GSE1: variants seen among roughly 807,000 people sequenced by gnomAD.
The protein encoded by GSE1 is Gse1 coiled-coil protein.
GSE1 carries 32 observed loss-of-function variants against 112.6 expected under a neutral mutation model. That is an observed-to-expected ratio of 0.28 (90% CI 0.21 to 0.38). The LOEUF is 0.38. Ranked by LOEUF, GSE1 falls within the 10% of genes least tolerant of loss-of-function variation. GSE1 has a pLI of 1.00. For missense variants in GSE1, 2,348 were observed against 1,699.2 expected (o/e 1.38, Z -6.71); for synonymous variants, 1,115 against 735.6 (o/e 1.52, Z -8.35).
intron 1 of GSE1, among the ~76,000 whole-genome samples, chr16:85,336,179 A>G (rs947109610): frequency 3.3e-5 from 5 of 152,226 alleles, no homozygotes; most frequent in African/African-American, 1.2e-4. Context: ...ACTGGGCAGC[A>G]TCAAGCCTTG....
chr16:85,336,451 C>T (rs1470120320), intron 1 of GSE1, among the ~76,000 whole-genome samples: 1 of 152,200 alleles, frequency 6.6e-6, no homozygotes, highest in Non-Finnish European at 1.5e-5. Context: ...GGGGCAGAAT[C>T]AGAGGTGCAG....
At chr16:85,636,015 CG>C (rs2049966395) in intron 2 of GSE1, among the ~76,000 whole-genome samples, 4 of 152,252 alleles carry the variant, frequency 2.6e-5, no homozygotes, top group Non-Finnish European at 2.9e-5. Flanking sequence ...GCTCGGCCAG[CG>C]GGTGGCCTGA....
intron 1 of GSE1, among the ~76,000 whole-genome samples, chr16:85,615,968 G>A (rs1056161950): frequency 1.3e-5 from 2 of 152,226 alleles, no homozygotes; most frequent in African/African-American, 4.8e-5. Context: ...CTCCTCCGAT[G>A]GCCCCGATGA....
chr16:85,363,955 T>A (rs1042845672), intron 2 of GSE1, among the ~76,000 whole-genome samples: 1 of 152,186 alleles, frequency 6.6e-6, no homozygotes, highest in Non-Finnish European at 1.5e-5. Flanking sequence ...TAAGAAGAGG[T>A]CTGTGTTTGT....
At chr16:85,660,447 G>A (rs1016600404) in intron 8 of GSE1, among the ~76,000 whole-genome samples, 1 of 152,074 alleles carries the variant, frequency 6.6e-6, no homozygotes, top group Admixed American at 6.5e-5. Flanking sequence ...GAGCAGTCTG[G>A]CCAACTTGGT....
At chr16:85,657,195 G>A in intron 7 of GSE1, 82 bp from the exon 8 acceptor site, 2 of 967,486 alleles carry the variant, frequency 2.1e-6, no homozygotes, top group South Asian at 1.7e-5. Context: ...GGTTTCTCTG[G>A]GCAGTTGGGT....
intron 1 of GSE1, among the ~76,000 whole-genome samples, chr16:85,236,019 G>GCTGAGGCTGGGC (rs1340613269): frequency 6.6e-6 from 1 of 150,886 alleles, no homozygotes; most frequent in African/African-American, 2.4e-5. Context: ...TGGGCCTGGG[G>GCTGAGGCTGGGC]CTGCGGCTGG....
At chr16:85,378,525 C>G (rs142512168) in intron 2 of GSE1, among the ~76,000 whole-genome samples, 2 of 152,234 alleles carry the variant, frequency 1.3e-5, no homozygotes, top group Non-Finnish European at 1.5e-5. Flanking sequence ...GGCTCTCCCT[C>G]TCTATAATCA....
intron 2 of GSE1, among the ~76,000 whole-genome samples, chr16:85,546,321 G>T (rs2044699236): frequency 6.6e-6 from 1 of 152,190 alleles, no homozygotes; most frequent in South Asian, 2.1e-4. Flanking sequence ...TGTGGCCTAA[G>T]TGATCCACCC....
chr16:85,427,746 C>T (rs917980356), intron 2 of GSE1, among the ~76,000 whole-genome samples: 1 of 152,110 alleles, frequency 6.6e-6, no homozygotes, highest in Non-Finnish European at 1.5e-5. Context: ...GCAGGGGAAT[C>T]GCTTGAACCC....
intron 2 of GSE1, among the ~76,000 whole-genome samples, chr16:85,367,938 C>T (rs113289834): frequency 0.025 from 3,709 of 150,034 alleles, 151 homozygotes; most frequent in African/African-American, 0.085. Flanking sequence ...CAACCTCTGC[C>T]TCCTGGGTTC....
chr16:85,397,145 G>C (rs545748876), intron 2 of GSE1, among the ~76,000 whole-genome samples: 4 of 152,302 alleles, frequency 2.6e-5, no homozygotes, highest in Admixed American at 6.5e-5. Flanking sequence ...GTGAAGTCCT[G>C]GGGGGAGACT....
chr16:85,624,910 C>A (rs942424225), intron 1 of GSE1, among the ~76,000 whole-genome samples: 1 of 152,210 alleles, frequency 6.6e-6, no homozygotes, highest in African/African-American at 2.4e-5. Context: ...TGTGTGGCCC[C>A]AGCGGCCTGT....
intron 2 of GSE1, among the ~76,000 whole-genome samples, chr16:85,518,100 A>C (rs2052014424): frequency 6.6e-6 from 1 of 151,952 alleles, no homozygotes; most frequent in Non-Finnish European, 1.5e-5. Flanking sequence ...ACAGCCGGCC[A>C]GCGCCAGCCA....
At chr16:85,553,908 C>T (rs983927902), upstream of GSE1, among the ~76,000 whole-genome samples, 2 of 152,164 alleles carry the variant, frequency 1.3e-5, no homozygotes, top group African/African-American at 4.8e-5. Flanking sequence ...CTGGGGACCC[C>T]TGATTTACGC....
Position 85,661,635 on chromosome 16 carries a change from G to T in GSE1, c.2130G>T (p.Ser710=), listed in dbSNP as rs375790806. The change falls in exon 9 of 16, where the codon TCG becomes TCT. Residue 710 remains serine, a synonymous_variant. Coordinates refer to ENST00000253458, the MANE Select transcript of GSE1 (RefSeq NM_014615.5). ...GELSGPLKPG[S]PYRPPVPRAP... is the part of the protein sequence containing the mutation. ...TCAGCGGACCCCTGAAGCCTGGCTC[G>T]CCCTACCGGCCCCCAGTGCCACGGG... 17 of 1,611,014 alleles carry T rather than the reference G, an allele frequency of 1.1e-5. No homozygotes were observed. Among genetic ancestry groups the T allele is most frequent in the Non-Finnish European group, 1.4e-5 (17 of 1,179,472 alleles).
At chr16:85,479,515 G>T (rs1452143217) in intron 2 of GSE1, among the ~76,000 whole-genome samples, 1 of 152,030 alleles carries the variant, frequency 6.6e-6, no homozygotes, top group East Asian at 1.9e-4. Flanking sequence ...CGTTGACCAG[G>T]CTGGTCTCAA....
chr16:85,219,845 C>T (rs150319778), intron 1 of GSE1, among the ~76,000 whole-genome samples: 7 of 152,356 alleles, frequency 4.6e-5, no homozygotes, highest in East Asian at 3.9e-4. Flanking sequence ...CCCAAGCCGA[C>T]GTCTCTTTGT....
At chr16:85,538,074 CT>C (rs1156630706) in intron 2 of GSE1, among the ~76,000 whole-genome samples, 1 of 152,222 alleles carries the variant, frequency 6.6e-6, no homozygotes, top group African/African-American at 2.4e-5. Context: ...GGCTGGATTG[CT>C]GGCCTCTCAT....
Sources: gnomAD v4.1 joint callset for allele counts (sites outside exome capture counted in the v4.1 genomes callset) on GRCh38, gnomAD v4.1.1 for gene constraint, MANE v1.5 for transcripts, NCBI Gene and HGNC (gene_info 2026-07-23, HGNC 2026-07-21) for gene names.